Variants in POLR1A observed in about 807,000 individuals in gnomAD.
The protein encoded by POLR1A is DNA-directed RNA polymerase I subunit RPA1.
A neutral mutation model predicts 205.3 loss-of-function variants in POLR1A; 84 were observed. The observed-to-expected ratio is 0.41, with a 90% CI of 0.34 to 0.49. The LOEUF is 0.49. Among genes scored for constraint, POLR1A ranks in the 20% least tolerant of loss-of-function variants. POLR1A has a pLI of 0.22. For missense variants in POLR1A, 1,645 were observed against 2,204.5 expected, an observed-to-expected ratio of 0.75 and a Z score of 5.08; for synonymous variants, 799 against 863.7, an observed-to-expected ratio of 0.93 and a Z score of 1.31.
rs1673072198 is a variant in POLR1A at position 86,065,567 on chromosome 2, T to G, written c.1867-102A>C. 6.4e-6 allele frequency: 6 copies of G among 937,216 alleles called. No individual in the cohort carries two copies. The Admixed American group carries it at 1.4e-4, about 22-fold the overall frequency. 58.1% of individuals were successfully genotyped at this position (937,216 alleles called of 1,614,324 possible). A position where few individuals can be genotyped will look rare whatever the true frequency, so the allele number is the denominator to read the frequency against. The stretch of plus-strand genomic sequence containing the variant: ...GGAAGCCACTTTCTATCAAGAGCCC[T>G]TCTTATATCCCTGTCTTGTCTTGCC... On this transcript the variant is annotated intron_variant, in intron 13 of 33. Coordinates refer to ENST00000263857, the MANE Select transcript of POLR1A (RefSeq NM_015425.6).
At chr2:86,097,895 C>T (rs906375697) in intron 3 of POLR1A, among the ~76,000 whole-genome samples, 2 of 152,096 alleles carry the variant, frequency 1.3e-5, no homozygotes, top group Admixed American at 1.3e-4. Context: ...ATTGCATGTT[C>T]GCAACACAAA....
chr2:86,083,217 T>G (rs1558782124), intron 6 of POLR1A, 49 bp from the exon 7 acceptor site: 2 of 1,268,480 alleles, frequency 1.6e-6, no homozygotes, highest in Non-Finnish European at 2.3e-6. Context: ...AAACAGGTAC[T>G]CTTTCTGCAA....
At position 86,021,170 on chromosome 2, in the gene POLR1A, T is replaced by C. The variant is rs1177853440; in HGVS notation, c.*6253A>G. The C allele has an allele frequency of 6.6e-6, 1 of 152,266 alleles. No individual in the cohort carries two copies. Among genetic ancestry groups the C allele is most frequent in the African/African-American group, 2.4e-5 (1 of 41,460 alleles). 9.4% of individuals were successfully genotyped at this position (152,266 alleles called of 1,614,324 possible). ...TGTTTACTGTGGTCCAGCTGAGGAC[T>C]GTGGTGTCTGAAACTTTGTCACATG... is the stretch of plus-strand genomic sequence containing the variant. On this transcript the variant is annotated 3_prime_UTR_variant, in exon 34 of 34. Coordinates refer to ENST00000263857, the MANE Select transcript of POLR1A (RefSeq NM_015425.6).
chr2:86,105,744 C>T lies in POLR1A; in HGVS notation c.33G>A (p.Arg11=), dbSNP rs1673915462. Residue 11 remains arginine (R), a synonymous_variant, in exon 1 of 34, where the codon CGG becomes CGA. Coordinates refer to ENST00000263857, the MANE Select transcript of POLR1A (RefSeq NM_015425.6). MLISKNMPWR[R]LQGISFGMYS... is the part of the protein sequence containing the mutation. ...ACATCCCGAAGGAAATGCCCTGCAG[C>T]CGCCGCCAGGGCATGTTCTTGGAGA... 6.2e-7 allele frequency: 1 copy of T among 1,614,104 alleles called. No individual in the cohort carries two copies. The highest frequency in any genetic ancestry group is 1.3e-5 in the African/African-American group (1 of 75,070).
chr2:86,104,759 T>C (rs1673888682), intron 1 of POLR1A, among the ~76,000 whole-genome samples: 2 of 152,228 alleles, frequency 1.3e-5, no homozygotes, highest in African/African-American at 2.4e-5. Context: ...GTTGAGTTTC[T>C]GATATGCATT....
chr2:86,028,771 G>A lies in POLR1A; in HGVS notation c.4780-60C>T. ...CCTGGCCTTCTGCTCCCTTCTGCCT[G>A]CGTATCTCCCCCTGGCCGCTCTCTC... On this transcript the variant is annotated intron_variant, in intron 31 of 33. Coordinates refer to ENST00000263857, the MANE Select transcript of POLR1A (RefSeq NM_015425.6). The surrounding 1 kb of genome is among the most constrained non-coding windows in gnomAD (Gnocchi z 4.5). 8.1e-7 allele frequency: 1 copy of A among 1,239,014 alleles called. No individual in the cohort carries two copies. Among genetic ancestry groups the A allele is most frequent in the Non-Finnish European group, 1.2e-6 (1 of 844,506 alleles). 76.8% of individuals were successfully genotyped at this position (1,239,014 alleles called of 1,614,324 possible).
Position 86,092,196 on chromosome 2 carries a change from T to C in POLR1A, c.433-2267A>G, listed in dbSNP as rs181650677. On this transcript the variant is annotated intron_variant, in intron 3 of 33. Coordinates refer to ENST00000263857, the MANE Select transcript of POLR1A (RefSeq NM_015425.6). ...TAGGCAACACTACTGATGGTAAAAA[T>C]GACCCCAATTGGTTAGGCTACATCT... is the stretch of plus-strand genomic sequence containing the variant. 3.5e-4 allele frequency among the ~76,000 whole-genome samples: 54 copies of C among 152,310 alleles called. No individual in the cohort carries two copies. The East Asian group carries it at 7.7e-3, about 22-fold the overall frequency.
intron 6 of POLR1A, among the ~76,000 whole-genome samples, chr2:86,087,444 A>C (rs1229664416): frequency 6.6e-6 from 1 of 152,196 alleles, no homozygotes; most frequent in Admixed American, 6.5e-5. Context: ...AGGCTTTAGG[A>C]ATGCCATTAT....
At position 86,039,456 on chromosome 2, in the gene POLR1A, C is replaced by T. The variant is rs757410997; in HGVS notation, c.3747G>A (p.Arg1249=). 6.2e-7 allele frequency: 1 copy of T among 1,614,138 alleles called. No homozygotes were observed. Among genetic ancestry groups the T allele is most frequent in the Middle Eastern group, 1.7e-4 (1 of 6,056 alleles). Residue 1249 remains arginine (R), a synonymous_variant, in exon 26 of 34, where the codon CGG becomes CGA. Coordinates refer to ENST00000263857, the MANE Select transcript of POLR1A (RefSeq NM_015425.6). The part of the protein sequence containing the change: ...MNVTLGIPRL[R]EILMVASANI... ...TGGCGCTGGCCACCATGAGAATCTC[C>T]CGCAACCTGTCACAGAATAAGGGCA... is the stretch of plus-strand genomic sequence containing the variant.
intron 16 of POLR1A, among the ~76,000 whole-genome samples, chr2:86,051,400 TG>T (rs1672800373): frequency 6.6e-6 from 1 of 152,196 alleles, no homozygotes; most frequent in East Asian, 1.9e-4. Context: ...ATTAAATATA[TG>T]ATACAATTAA....
chr2:86,055,754 A>T (rs1672883867), intron 14 of POLR1A, among the ~76,000 whole-genome samples: 1 of 152,182 alleles, frequency 6.6e-6, no homozygotes, highest in African/African-American at 2.4e-5. Flanking sequence ...GGATAAAAAT[A>T]CTCAACAGAC....
intron 27 of POLR1A, among the ~76,000 whole-genome samples, chr2:86,037,518 G>A (rs1035404978): frequency 6.6e-6 from 1 of 152,258 alleles, no homozygotes; most frequent in Non-Finnish European, 1.5e-5. Flanking sequence ...GTGACTCAGC[G>A]ACGAATGGGC....
intron 3 of POLR1A, among the ~76,000 whole-genome samples, chr2:86,092,858 T>G (rs1478237792): frequency 6.6e-6 from 1 of 151,872 alleles, no homozygotes; most frequent in Non-Finnish European, 1.5e-5. Flanking sequence ...ACTTATTTTA[T>G]GAGGCTGACA....
At chr2:86,049,137 A>G in intron 17 of POLR1A, 23 bp downstream of exon 17, 1 of 1,610,704 alleles carries the variant, frequency 6.2e-7, no homozygotes, top group Non-Finnish European at 8.5e-7. Flanking sequence ...AGGGCAGGCC[A>G]CGGCCTCGAA....
At chr2:86,045,596 T>C (rs1672695777) in intron 20 of POLR1A, 21 bp downstream of exon 20, 2 of 1,613,684 alleles carry the variant, frequency 1.2e-6, no homozygotes, top group Non-Finnish European at 8.5e-7. Flanking sequence ...AAAAGCTAAA[T>C]GGAAAAACCA....
chr2:86,085,715 T>C (rs1225692397), intron 6 of POLR1A, among the ~76,000 whole-genome samples: 1 of 152,158 alleles, frequency 6.6e-6, no homozygotes, highest in African/African-American at 2.4e-5. Context: ...TGGAAGCCCA[T>C]CTCCTCACAT....
At chr2:86,052,471 GA>G (rs1356332480) in intron 16 of POLR1A, among the ~76,000 whole-genome samples, 10 of 152,252 alleles carry the variant, frequency 6.6e-5, no homozygotes, top group Non-Finnish European at 1.0e-4. Context: ...CTGTGGAGGA[GA>G]GGGGTGGCCA....
intron 3 of POLR1A, among the ~76,000 whole-genome samples, chr2:86,094,910 C>A (rs1673677853): frequency 6.6e-6 from 1 of 152,194 alleles, no homozygotes; most frequent in African/African-American, 2.4e-5. Context: ...TCCTTGTGGA[C>A]CCCTCCTTAT....
chr2:86,048,714 C>A (rs1005918502), intron 18 of POLR1A, among the ~76,000 whole-genome samples, 170 bp downstream of exon 18: 1 of 152,214 alleles, frequency 6.6e-6, no homozygotes, highest in Non-Finnish European at 1.5e-5. Context: ...GGGAACAAAG[C>A]CCTGGGCCCT....
Sources: gnomAD v4.1 joint callset for allele counts (sites outside exome capture counted in the v4.1 genomes callset) on GRCh38, gnomAD v4.1.1 for gene constraint, Gnocchi (gnomAD v3.1) non-coding constraint, MANE v1.5 for transcripts, NCBI Gene and HGNC (gene_info 2026-07-23, HGNC 2026-07-21) for gene names.